CDC42BPA: variants seen among roughly 807,000 people sequenced by gnomAD.
CDC42BPA encodes the protein CDC42 binding protein kinase alpha.
Under a neutral mutation model 223.5 loss-of-function variants are expected in CDC42BPA, and 80 were observed. That is an observed-to-expected ratio of 0.36 (90% CI 0.30 to 0.43). The LOEUF (loss-of-function observed/expected upper bound fraction) is 0.43. Among genes scored for constraint, CDC42BPA ranks in the 20% least tolerant of loss-of-function variants. The probability of loss-of-function intolerance (pLI) is 1.00; values close to 1 mark genes in which losing one functional copy is unlikely to be tolerated. For missense variants in CDC42BPA, 1,743 were observed against 2,099.9 expected, an observed-to-expected ratio of 0.83 and a Z score of 3.32; for synonymous variants, 694 against 718.6, an observed-to-expected ratio of 0.97 and a Z score of 0.55.
Position 227,211,276 on chromosome 1 carries a change from G to A in CDC42BPA, c.354+1860C>T, listed in dbSNP as rs1449533902. 3.3e-5 allele frequency among the ~76,000 whole-genome samples: 5 copies of A among 151,962 alleles called. No individual in the cohort carries two copies. In the East Asian group the frequency reaches 9.7e-4, roughly 29 times the overall value. ...TTACTATACAATAATTACCTCTGGG[G>A]GGATGCAGATAAAAAGGAACAATTA... On this transcript the variant is annotated intron_variant, in intron 3 of 36. Transcript: ENST00000366766.
intron 1 of CDC42BPA, among the ~76,000 whole-genome samples, chr1:227,277,136 TAA>T (rs1275585487): frequency 7.3e-6 from 1 of 137,378 alleles, no homozygotes; most frequent in Non-Finnish European, 1.6e-5. Flanking sequence ...ATTAAGAGAG[TAA>T]ACAGAAAAAC....
intron 16 of CDC42BPA, among the ~76,000 whole-genome samples, chr1:227,081,363 A>G (rs966482730): frequency 1.3e-5 from 2 of 152,110 alleles, no homozygotes; most frequent in Admixed American, 1.3e-4. Context: ...GAAAAGGAAA[A>G]TAAAAATGAA....
chr1:227,256,080 C>G (rs1316757655), intron 1 of CDC42BPA, among the ~76,000 whole-genome samples: 1 of 151,942 alleles, frequency 6.6e-6, no homozygotes, highest in Non-Finnish European at 1.5e-5. Context: ...ACAAAAAACC[C>G]CAATTCAAAA....
chr1:227,226,542 C>A (rs940584898), intron 2 of CDC42BPA, among the ~76,000 whole-genome samples: 9 of 152,066 alleles, frequency 5.9e-5, no homozygotes, highest in Non-Finnish European at 1.3e-4. Flanking sequence ...CATGTAGAGG[C>A]AGAAACAGGA....
intron 1 of CDC42BPA, among the ~76,000 whole-genome samples, chr1:227,255,715 G>C (rs1352828120): frequency 6.6e-6 from 1 of 152,066 alleles, no homozygotes; most frequent in Non-Finnish European, 1.5e-5. Flanking sequence ...GCATCCAAAA[G>C]AATAAAGTAC....
intron 2 of CDC42BPA, among the ~76,000 whole-genome samples, chr1:227,229,919 G>A (rs983534338): frequency 3.3e-5 from 5 of 152,140 alleles, no homozygotes; most frequent in East Asian, 3.8e-4. Context: ...GTGTCTGGGT[G>A]TAATTTTCAT....
At position 227,139,621 on chromosome 1, in the gene CDC42BPA, T is replaced by C. The variant is rs1287097376; in HGVS notation, c.1345A>G (p.Lys449Glu). 6.2e-7 allele frequency: 1 copy of C among 1,609,392 alleles called. No homozygotes were observed. The highest frequency in any genetic ancestry group is 8.5e-7 in the Non-Finnish European group (1 of 1,178,310). The change falls in exon 10 of 37, where the codon AAG becomes GAG. Residue 449 changes from lysine to glutamate, a missense_variant. Lys to Glu is a moderately conservative substitution (Grantham distance 56). Around this residue, in one of 6 missense-constraint regions of CDC42BPA, gnomAD observed 464 missense variants for 488.0 expected, o/e 0.95. Transcript: ENST00000366766. ...TCAAGTTTTTCTTGCTCAAGGCGCT[T>C]AATTCTTCTTTCATAAGCTTCAGTT... ...LATEAYERRI[K>E]RLEQEKLELS...
chr1:227,004,780 A>G, intron 35 of CDC42BPA: 1 of 643,642 alleles, frequency 1.6e-6, no homozygotes, highest in Non-Finnish European at 2.9e-6. Flanking sequence ...TGTCTCCCAG[A>G]TGGCCTGTAC....
chr1:227,244,048 T>C (rs975528046), intron 2 of CDC42BPA, among the ~76,000 whole-genome samples: 1 of 149,522 alleles, frequency 6.7e-6, no homozygotes, highest in Non-Finnish European at 1.5e-5. Context: ...GTTAGCGAGG[T>C]TATAAAGCAA....
At chr1:227,291,489 T>C (rs915954159) in intron 1 of CDC42BPA, among the ~76,000 whole-genome samples, 2 of 152,042 alleles carry the variant, frequency 1.3e-5, no homozygotes, top group Admixed American at 6.6e-5. Context: ...GCGGAGGTTG[T>C]AGTGAGCCAA....
At chr1:227,086,029 GCTTT>G (rs1461753763) in intron 16 of CDC42BPA, among the ~76,000 whole-genome samples, 2 of 152,140 alleles carry the variant, frequency 1.3e-5, no homozygotes, top group East Asian at 3.9e-4. Context: ...TCACTGACCT[GCTTT>G]CTGTTTCTGT....
At chr1:227,059,333 A>T (rs1474878736) in intron 21 of CDC42BPA, 36 of 1,530,572 alleles carry the variant, frequency 2.4e-5, no homozygotes, top group Non-Finnish European at 3.0e-5. Context: ...GAGGGGTAAA[A>T]GGCCTCAGGA....
intron 5 of CDC42BPA, among the ~76,000 whole-genome samples, chr1:227,193,307 G>A (rs543521261): frequency 2.8e-4 from 43 of 151,970 alleles, no homozygotes; most frequent in African/African-American, 4.6e-4. Flanking sequence ...TAATCTGCCC[G>A]CCTTGACCTC....
At chr1:227,102,741 A>G (rs920557489) in intron 14 of CDC42BPA, among the ~76,000 whole-genome samples, 1 of 152,164 alleles carries the variant, frequency 6.6e-6, no homozygotes, top group South Asian at 2.1e-4. Flanking sequence ...CCAAGAAATA[A>G]TAGGTTTTAT....
chr1:227,250,863 G>A (rs1681875371), intron 2 of CDC42BPA, among the ~76,000 whole-genome samples: 1 of 152,030 alleles, frequency 6.6e-6, no homozygotes, highest in East Asian at 1.9e-4. Flanking sequence ...ACCAGCCTAG[G>A]CAACGTAGGA....
intron 15 of CDC42BPA, among the ~76,000 whole-genome samples, chr1:227,099,435 G>GTACCCTTTT (rs1173675368): frequency 6.6e-6 from 1 of 151,178 alleles, no homozygotes; most frequent in Non-Finnish European, 1.5e-5. Flanking sequence ...TTATATAGGT[G>GTACCCTTTT]TACCCTTTTT....
chr1:227,282,113 G>A (rs961935205), intron 1 of CDC42BPA, among the ~76,000 whole-genome samples: 3 of 151,342 alleles, frequency 2.0e-5, no homozygotes, highest in African/African-American at 7.3e-5. Flanking sequence ...ACTTGAACCC[G>A]GGAGGCAGAG....
At chr1:227,195,451 C>T (rs1384215138) in intron 4 of CDC42BPA, among the ~76,000 whole-genome samples, 1 of 152,048 alleles carries the variant, frequency 6.6e-6, no homozygotes, top group Non-Finnish European at 1.5e-5. Flanking sequence ...GCTGGGATTA[C>T]AGGCGTGAGC....
chr1:227,163,214 G>A (rs1185361512), intron 5 of CDC42BPA, among the ~76,000 whole-genome samples: 1 of 151,948 alleles, frequency 6.6e-6, no homozygotes, highest in Non-Finnish European at 1.5e-5. Context: ...ATATATGTGT[G>A]TGTATATATG....
Sources: gnomAD v4.1 joint callset for allele counts (sites outside exome capture counted in the v4.1 genomes callset) on GRCh38, gnomAD v4.1.1 for gene constraint, gnomAD v4.1.1 regional missense constraint, MANE v1.5 for transcripts, NCBI Gene and HGNC (gene_info 2026-07-23, HGNC 2026-07-21) for gene names.